The following CHST11 variants were observed in gnomAD, a reference collection of about 807,000 sequenced individuals.
CHST11 encodes carbohydrate sulfotransferase 11.
A neutral mutation model predicts 30.4 loss-of-function variants in CHST11; 9 were observed. The observed-to-expected ratio is 0.30, with a 90% confidence interval of 0.18 to 0.52. CHST11 has a LOEUF of 0.52. CHST11 is among the 20% of genes least tolerant of loss of function. The pLI is 0.97. For missense variants in CHST11, 348 were observed against 460.6 expected, an observed-to-expected ratio of 0.76 and a Z score of 2.24; for synonymous variants, 152 against 187.8, an observed-to-expected ratio of 0.81 and a Z score of 1.56.
chr12:104,492,576 A>C (rs185089502), intron 1 of CHST11, among the ~76,000 whole-genome samples: 5 of 152,320 alleles, frequency 3.3e-5, no homozygotes, highest in African/African-American at 1.2e-4. Context: ...AAATAAATGA[A>C]TAAATCCCTT....
At chr12:104,493,298 A>G (rs567784367) in intron 1 of CHST11, among the ~76,000 whole-genome samples, 7 of 152,154 alleles carry the variant, frequency 4.6e-5, no homozygotes, top group Non-Finnish European at 8.8e-5. Context: ...ATGTGGCAAG[A>G]TGTTTATTGC....
Position 104,541,130 on chromosome 12 carries a change from T to TCACACACACA in CHST11, c.119-60755_119-60746dup, listed in dbSNP as rs71069763. Among the ~76,000 whole-genome samples, 89 of 146,674 alleles carry TCACACACACA rather than the reference T, an allele frequency of 6.1e-4. 1 individual carries two copies. The highest frequency in any genetic ancestry group is 1.6e-3 in the Admixed American group (24 of 14,720). ...GAATCTCTCCCTCTCTCTCTCTCTC[T>TCACACACACA]CACACACACACACACACACACACAC... On this transcript the variant is annotated intron_variant, in intron 1 of 2. Coordinates refer to ENST00000303694, the MANE Select transcript of CHST11 (RefSeq NM_018413.6).
intron 1 of CHST11, among the ~76,000 whole-genome samples, chr12:104,551,557 C>T (rs117183825): frequency 2.2e-3 from 338 of 152,208 alleles, no homozygotes; most frequent in Non-Finnish European, 3.6e-3. Context: ...TCCTCCTTTC[C>T]GACTTGCGCT....
chr12:104,710,884 A>G (rs1023044730), intron 2 of CHST11, among the ~76,000 whole-genome samples: 1 of 152,112 alleles, frequency 6.6e-6, no homozygotes, highest in Non-Finnish European at 1.5e-5. Flanking sequence ...CCTAAAATCC[A>G]ACCCTTTTGT....
chr12:104,614,251 C>T (rs1290497902), intron 2 of CHST11, among the ~76,000 whole-genome samples: 1 of 152,112 alleles, frequency 6.6e-6, no homozygotes. Context: ...ACTGACTGAC[C>T]ATTATAAAAT....
intron 2 of CHST11, among the ~76,000 whole-genome samples, chr12:104,733,593 G>C (rs1163494540): frequency 1.3e-5 from 2 of 152,146 alleles, no homozygotes; most frequent in Non-Finnish European, 2.9e-5. Context: ...CCATTAGGTG[G>C]GTGCAAAAGT....
chr12:104,757,413 C>T lies in CHST11; in HGVS notation c.669C>T (p.Asn223=), dbSNP rs781426215. 3.1e-5 allele frequency: 50 copies of T among 1,614,068 alleles called. No individual in the cohort carries two copies. The East Asian group carries it at 6.5e-4, about 21-fold the overall frequency. The change falls in exon 3 of 3, where the codon AAC becomes AAT. Residue 223 remains asparagine (N), a synonymous_variant. Coordinates refer to ENST00000303694, the MANE Select transcript of CHST11 (RefSeq NM_018413.6). This position sits in a 1 kb window ranked among gnomAD's most constrained non-coding sequence, Gnocchi z 6.5. ...GTKIIKRQRK[N]ATQEALRKGD... is the part of the protein sequence containing the mutation. ...AGATCATCAAACGCCAGCGGAAGAA[C>T]GCCACCCAGGAGGCCCTGCGCAAAG... is the stretch of plus-strand genomic sequence containing the variant.
chr12:104,596,387 C>T (rs188543460), intron 1 of CHST11, among the ~76,000 whole-genome samples: 1 of 152,180 alleles, frequency 6.6e-6, no homozygotes, highest in African/African-American at 2.4e-5. Flanking sequence ...GTTTTGCCAG[C>T]GGAAGGAGCA....
chr12:104,734,802 G>C (rs938491518), intron 2 of CHST11, among the ~76,000 whole-genome samples: 2 of 152,206 alleles, frequency 1.3e-5, no homozygotes, highest in African/African-American at 2.4e-5. Context: ...AACAGCAAGA[G>C]AACACAGACA....
At chr12:104,682,521 T>G (rs886907063) in intron 2 of CHST11, among the ~76,000 whole-genome samples, 3 of 152,222 alleles carry the variant, frequency 2.0e-5, no homozygotes, top group Non-Finnish European at 4.4e-5. Context: ...CGGACACAAG[T>G]GGATCATTGA....
At chr12:104,692,536 T>C (rs1475599126) in intron 2 of CHST11, among the ~76,000 whole-genome samples, 2 of 152,210 alleles carry the variant, frequency 1.3e-5, no homozygotes, top group Non-Finnish European at 2.9e-5. Flanking sequence ...CTTACTGTAT[T>C]AGCCTGCTCT....
chr12:104,755,878 A>T (rs747229523), intron 2 of CHST11, among the ~76,000 whole-genome samples: 11 of 150,362 alleles, frequency 7.3e-5, no homozygotes, highest in Non-Finnish European at 1.3e-4. Flanking sequence ...CGCTTGCGGC[A>T]AAGAGGAAAG....
chr12:104,644,241 C>A (rs769250058), intron 2 of CHST11, among the ~76,000 whole-genome samples: 13 of 152,144 alleles, frequency 8.5e-5, no homozygotes, highest in Non-Finnish European at 1.6e-4. Context: ...CTGGACACCC[C>A]CTACCTTCCC....
At chr12:104,598,495 GTC>G (rs149984553) in intron 1 of CHST11, among the ~76,000 whole-genome samples, 3,553 of 152,276 alleles carry the variant, frequency 0.023, 127 homozygotes, top group African/African-American at 0.081. Context: ...TATAATTTGT[GTC>G]TCTCTTCCCC....
At position 104,757,797 on chromosome 12, in the gene CHST11, G is replaced by A. The variant is rs1487631490; in HGVS notation, c.1053G>A (p.Leu351=). Residue 351 remains leucine (L), a synonymous_variant, in exon 3 of 3, where the codon TTG becomes TTA. Coordinates refer to ENST00000303694, the MANE Select transcript of CHST11 (RefSeq NM_018413.6). This position sits in a 1 kb window ranked among gnomAD's most constrained non-coding sequence, Gnocchi z 6.5. ...FNYSVPSYLK[L]E ...ACTCAGTGCCAAGCTACCTGAAATTGGAATAAAGGGGGTGGGGAGAGGGAG... is the reference window on the plus strand; with the variant it reads ...ACTCAGTGCCAAGCTACCTGAAATTAGAATAAAGGGGGTGGGGAGAGGGAG... 1 of 1,608,982 alleles carries A rather than the reference G, an allele frequency of 6.2e-7. No homozygotes were observed. The highest frequency in any genetic ancestry group is 1.3e-5 in the African/African-American group (1 of 74,806).
intron 2 of CHST11, among the ~76,000 whole-genome samples, chr12:104,646,165 C>T (rs2039428119): frequency 2.0e-5 from 3 of 152,060 alleles, no homozygotes; most frequent in Admixed American, 2.0e-4. Flanking sequence ...CTTTCCAGGG[C>T]CCTGCGAGAT....
chr12:104,528,871 G>A (rs1413906189), intron 1 of CHST11, among the ~76,000 whole-genome samples: 5 of 152,176 alleles, frequency 3.3e-5, no homozygotes, highest in Non-Finnish European at 7.3e-5. Context: ...TTCTTTCTGA[G>A]TTGTGCCATA....
intron 1 of CHST11, among the ~76,000 whole-genome samples, chr12:104,472,440 G>A (rs1565953763): frequency 6.6e-6 from 1 of 152,016 alleles, no homozygotes; most frequent in African/African-American, 2.4e-5. Flanking sequence ...AGGCCTCTAA[G>A]GTATCTTCAG....
At chr12:104,712,175 T>C (rs2040093849) in intron 2 of CHST11, among the ~76,000 whole-genome samples, 1 of 152,160 alleles carries the variant, frequency 6.6e-6, no homozygotes, top group African/African-American at 2.4e-5. Flanking sequence ...CCATTTGGTT[T>C]CTGTGAGGTG....
Sources: allele counts gnomAD v4.1 joint callset (sites outside exome capture counted in the v4.1 genomes callset), GRCh38; gene constraint gnomAD v4.1.1; non-coding constraint Gnocchi (gnomAD v3.1); transcripts MANE v1.5; gene names NCBI Gene and HGNC (gene_info 2026-07-23, HGNC 2026-07-21).